SORCS1: variants seen among roughly 807,000 people sequenced by gnomAD.
The protein encoded by SORCS1 is sortilin related VPS10 domain containing receptor 1.
SORCS1 carries 60 observed loss-of-function variants against 146.1 expected under a neutral mutation model. The observed-to-expected ratio is 0.41, with a 90% CI of 0.33 to 0.51. SORCS1 has a LOEUF of 0.51. Among genes scored for constraint, SORCS1 ranks in the 20% least tolerant of loss-of-function variants. SORCS1 has a pLI of 0.21. For synonymous variants in SORCS1, 637 were observed against 584.0 expected, an observed-to-expected ratio of 1.09 and a Z score of -1.31; for missense variants, 1,352 against 1,487.6, an observed-to-expected ratio of 0.91 and a Z score of 1.50.
chr10:106,679,420 T>C, intron 11 of SORCS1, 88 bp from the exon 12 acceptor site: 11 of 1,152,024 alleles, frequency 9.5e-6, no homozygotes, highest in Non-Finnish European at 1.1e-5. Context: ...CTGAGAAAGA[T>C]TTTGACTGCA....
intron 1 of SORCS1, among the ~76,000 whole-genome samples, chr10:107,029,636 TG>T (rs1252819355): frequency 6.6e-6 from 1 of 152,178 alleles, no homozygotes; most frequent in Non-Finnish European, 1.5e-5. Flanking sequence ...AACTTTATTT[TG>T]GTAAGAATTA....
chr10:106,703,311 G>A (rs1854266606), intron 8 of SORCS1, among the ~76,000 whole-genome samples: 1 of 151,948 alleles, frequency 6.6e-6, no homozygotes, highest in South Asian at 2.1e-4. Context: ...CCTGCATCCT[G>A]GTCCACATCG....
intron 14 of SORCS1, 97 bp downstream of exon 14, chr10:106,674,952 A>T: frequency 1.1e-6 from 1 of 927,510 alleles, no homozygotes; most frequent in East Asian, 2.5e-5. Flanking sequence ...ACAACCTTGA[A>T]CCTAACAGCT....
chr10:106,810,437 G>C lies in SORCS1; in HGVS notation c.726+19137C>G, dbSNP rs138988645. On this transcript the variant is annotated intron_variant, in intron 3 of 25. Transcript: ENST00000263054. ...TCTTCTTTCAAGGGCTCTTTGAATAGCACTTTGTATCTAATAAGCCTATGT... is the reference window on the plus strand; with the variant it reads ...TCTTCTTTCAAGGGCTCTTTGAATACCACTTTGTATCTAATAAGCCTATGT... 4.1e-3 allele frequency among the ~76,000 whole-genome samples: 623 copies of C among 152,246 alleles called. 6 individuals are homozygous for C. The highest frequency in any genetic ancestry group is 0.014 in the African/African-American group (593 of 41,558).
At chr10:107,171,790 G>A in the SORCS1 span, among the ~76,000 whole-genome samples, 2 of 152,094 alleles carry the variant, frequency 1.3e-5, no homozygotes, top group Non-Finnish European at 2.9e-5. Context: ...AAGCCACCAT[G>A]CCCAGCCAGG....
At chr10:107,143,642 T>G (rs186304611) in intron 1 of SORCS1, among the ~76,000 whole-genome samples, 21 of 152,246 alleles carry the variant, frequency 1.4e-4, no homozygotes, top group Non-Finnish European at 2.1e-4. Flanking sequence ...TAGCTGGGAT[T>G]ACAGGCACGC....
intron 1 of SORCS1, among the ~76,000 whole-genome samples, chr10:107,123,745 A>G (rs1362172518): frequency 6.6e-6 from 1 of 152,104 alleles, no homozygotes; most frequent in Admixed American, 6.6e-5. Flanking sequence ...GGACTTGAAC[A>G]TATTACCTAC....
intron 1 of SORCS1, among the ~76,000 whole-genome samples, chr10:107,147,919 C>A (rs1052495664): frequency 3.3e-5 from 5 of 152,084 alleles, no homozygotes; most frequent in Non-Finnish European, 5.9e-5. Context: ...GATATTCAGG[C>A]TTCCCTTCTT....
chr10:106,733,427 G>T (rs773445624), intron 5 of SORCS1, among the ~76,000 whole-genome samples: 1 of 152,130 alleles, frequency 6.6e-6, no homozygotes, highest in Non-Finnish European at 1.5e-5. Context: ...GTTCTTAATT[G>T]CTGAGGCCAA....
intron 2 of SORCS1, among the ~76,000 whole-genome samples, chr10:106,840,836 T>TTA (rs1195404239): frequency 1.4e-5 from 2 of 140,802 alleles, no homozygotes; most frequent in East Asian, 4.1e-4. Context: ...CATTTTTTAG[T>TTA]TATATTATAT....
chr10:106,825,768 C>T (rs1280582452), intron 3 of SORCS1, among the ~76,000 whole-genome samples: 1 of 152,150 alleles, frequency 6.6e-6, no homozygotes, highest in Admixed American at 6.5e-5. Context: ...CCCTCTGAGA[C>T]ATCGTGACAG....
chr10:107,075,996 C>CA (rs557595175), intron 1 of SORCS1, among the ~76,000 whole-genome samples: 269 of 150,288 alleles, frequency 1.8e-3, no homozygotes, highest in Middle Eastern at 0.01. Context: ...AGGGTGACAC[C>CA]AAAAAAAAAT....
chr10:107,062,360 G>T (rs902632176), intron 1 of SORCS1, among the ~76,000 whole-genome samples: 6 of 151,846 alleles, frequency 4.0e-5, no homozygotes, highest in Non-Finnish European at 8.8e-5. Flanking sequence ...CCACAACATG[G>T]CAGAGGAATG....
At chr10:106,739,784 T>C (rs1001970741) in intron 5 of SORCS1, among the ~76,000 whole-genome samples, 2 of 151,794 alleles carry the variant, frequency 1.3e-5, no homozygotes, top group Non-Finnish European at 2.9e-5. Flanking sequence ...ACCCCGTCTC[T>C]ACTAAAAAAC....
At chr10:106,715,999 C>T (rs1312009080) in intron 6 of SORCS1, among the ~76,000 whole-genome samples, 1 of 152,158 alleles carries the variant, frequency 6.6e-6, no homozygotes, top group African/African-American at 2.4e-5. Flanking sequence ...GATTCGTCTG[C>T]CTCAGCCTCC....
At chr10:106,772,086 T>C (rs1860062428) in intron 4 of SORCS1, among the ~76,000 whole-genome samples, 2 of 152,172 alleles carry the variant, frequency 1.3e-5, no homozygotes, top group Non-Finnish European at 2.9e-5. Flanking sequence ...CTGTAAGGGT[T>C]TTTTTAGAAG....
In SORCS1 at chr10:106,829,560, T is replaced by C; in HGVS notation, c.726+14A>G. The C allele has an allele frequency of 1.3e-6, 2 of 1,565,506 alleles. No homozygotes were observed. The highest frequency in any genetic ancestry group is 1.8e-6 in the Non-Finnish European group (2 of 1,141,510). On this transcript the variant is annotated intron_variant, in intron 3 of 25. Transcript: ENST00000263054. ...CATCATGAATGAGTAGCATGCTGAA[T>C]ATACATTTCTTACCTTACGCTTGTT...
At chr10:106,817,971 G>T (rs1387982123) in intron 3 of SORCS1, among the ~76,000 whole-genome samples, 2 of 152,172 alleles carry the variant, frequency 1.3e-5, no homozygotes, top group Non-Finnish European at 2.9e-5. Flanking sequence ...TTTGTTGTCT[G>T]TACAATCCAC....
At chr10:107,089,341 T>C (rs560513786) in intron 1 of SORCS1, among the ~76,000 whole-genome samples, 3 of 152,312 alleles carry the variant, frequency 2.0e-5, no homozygotes, top group African/African-American at 7.2e-5. Context: ...ATAGATATTC[T>C]AGTTATTATG....
Sources: allele counts gnomAD v4.1 joint callset (sites outside exome capture counted in the v4.1 genomes callset), GRCh38; gene constraint gnomAD v4.1.1; transcripts MANE v1.5; gene names NCBI Gene and HGNC (gene_info 2026-07-23, HGNC 2026-07-21).